The following POM121 variants were observed in gnomAD, a reference collection of about 807,000 sequenced individuals.
The protein encoded by POM121 is nuclear envelope pore membrane protein POM 121.
POM121 carries 32 observed loss-of-function variants against 81.3 expected under a neutral mutation model. The observed-to-expected ratio is 0.39, with a 90% CI of 0.30 to 0.53. POM121 has a LOEUF of 0.53. Among genes scored for constraint, POM121 ranks in the 20% least tolerant of loss-of-function variants. The pLI, the probability that POM121 is intolerant of heterozygous loss-of-function variation, is 0.66. For synonymous variants in POM121, 514 were observed against 694.2 expected (o/e 0.74, Z 4.08); for missense variants, 1,138 against 1,614.6 (o/e 0.70, Z 5.06).
chr7:72,892,659 CCCTT>C (rs71098030), intron 3 of POM121, among the ~76,000 whole-genome samples: 2 of 151,268 alleles, frequency 1.3e-5, no homozygotes, highest in South Asian at 2.1e-4. Flanking sequence ...CTCCCTCCCT[CCCTT>C]CCTTCCTTCC....
intron 1 of POM121, among the ~76,000 whole-genome samples, chr7:72,884,431 G>T (rs1790474406): frequency 6.6e-6 from 1 of 150,488 alleles, no homozygotes; most frequent in African/African-American, 2.4e-5. Flanking sequence ...CCTTTAAGTT[G>T]GTTTCTGAGT....
chr7:72,920,385 G>T (rs1387488461), upstream of POM121, among the ~76,000 whole-genome samples: 1 of 128,478 alleles, frequency 7.8e-6, no homozygotes, highest in African/African-American at 3.0e-5. Flanking sequence ...GTCTGGCTCT[G>T]TCACCCAGGC....
rs1346608968 is a variant in POM121, at chr7:72,925,316, C to T, written c.195C>T (p.Ala65=). 1.8e-5 allele frequency: 27 copies of T among 1,534,274 alleles called. No individual in the cohort carries two copies. Among genetic ancestry groups the T allele is most frequent in the Non-Finnish European group, 2.2e-5 (25 of 1,146,490 alleles). The part of the protein sequence containing the change: ...LAWLTVGATA[A]WWGLSREPRG... ...GGCTGACCGTGGGGGCTACCGCGGC[C>T]TGGTGGGGACTGAGCCGCGAGCCCC... Residue 65 remains alanine (A), a synonymous_variant, in exon 1 of 13, where the codon GCC becomes GCT. Coordinates refer to ENST00000434423, the MANE Select transcript of POM121 (RefSeq NM_001387691.1).
rs1178794287 is a variant in POM121, at chr7:72,893,777, C to T, written c.-216+2667C>T. On this transcript the variant is annotated intron_variant, in intron 3 of 15. Transcript: ENST00000395270. ...CAAGCGCTCTGGCAGGTGGTGCTTT[C>T]GCCATCTTCATCCCTACTTACTGTG... Among the ~76,000 whole-genome samples, 5 of 152,050 alleles carry T rather than the reference C, an allele frequency of 3.3e-5. No individual in the cohort carries two copies. In the South Asian group the frequency reaches 8.3e-4, roughly 25 times the overall value.
chr7:72,896,822 TTAAC>T (rs1792004551), intron 3 of POM121, among the ~76,000 whole-genome samples: 1 of 152,264 alleles, frequency 6.6e-6, no homozygotes, highest in South Asian at 2.1e-4. Flanking sequence ...GTACTGATCA[TTAAC>T]TATTTGCCTG....
rs1554497101 is a variant in POM121, at chr7:72,925,596, C to T, written c.475C>T (p.Arg159Trp). The T allele has an allele frequency of 1.3e-6, 2 of 1,508,670 alleles. No homozygotes were observed. The highest frequency in any genetic ancestry group is 1.8e-6 in the Non-Finnish European group (2 of 1,134,404). The allele number at this position is 1,508,670 out of a possible 1,614,324, so 93.5% of individuals were successfully genotyped here. A position where few individuals can be genotyped will look rare whatever the true frequency, so the allele number is the denominator to read the frequency against. Residue 159 changes from arginine to tryptophan, a missense_variant, in exon 1 of 13, where the codon CGG becomes TGG. This residue lies in a region of POM121 where 646 missense variants were observed against 633.5 expected (regional missense o/e 1.02). Transcript: ENST00000434423. Reference sequence around the variant, plus strand: ...CGCCGCTCCGGAGGGCCAGGACCTGCGGGATAGGCCTGGCCGCCGCCCACC... The same window carrying T: ...CGCCGCTCCGGAGGGCCAGGACCTGTGGGATAGGCCTGGCCGCCGCCCACC... ...PAAAPEGQDL[R>W]DRPGRRPPAR...
chr7:72,928,103 G>A (rs558084109), intron 3 of POM121, among the ~76,000 whole-genome samples: 1 of 152,274 alleles, frequency 6.6e-6, no homozygotes, highest in African/African-American at 2.4e-5. Context: ...CTACTCTGGA[G>A]GCTGAGGCAG....
In POM121 at chr7:72,939,872, A is replaced by G; in HGVS notation, c.1467A>G (p.Lys489=). ...CTGCAGATACAACCCCAAGGAAGAA[A>G]CAAAACTCGAATTCTCAGTCTACAC... ...EKAADTTPRK[K]QNSNSQSTPG... is the part of the protein sequence containing the mutation. Residue 489 remains lysine, a synonymous_variant, in exon 8 of 13, where the codon AAA becomes AAG. Coordinates refer to ENST00000434423, the MANE Select transcript of POM121 (RefSeq NM_001387691.1). 1 of 1,610,012 alleles carries G rather than the reference A, an allele frequency of 6.2e-7. No individual in the cohort carries two copies. Among genetic ancestry groups the G allele is most frequent in the South Asian group, 1.1e-5 (1 of 90,894 alleles).
upstream of POM121, among the ~76,000 whole-genome samples, chr7:72,920,126 T>C (rs1273449686): frequency 1.3e-5 from 2 of 152,180 alleles, no homozygotes; most frequent in African/African-American, 4.8e-5. Context: ...AATATTTTTC[T>C]ATGTCTCAGC....
At position 72,939,270 on chromosome 7, in the gene POM121, G is replaced by A; in HGVS notation, c.1368-66G>A. On this transcript the variant is annotated intron_variant, in intron 6 of 12. Transcript: ENST00000434423. Reference sequence around the variant, plus strand: ...GGCCACTTGGTAGTTAGGAGGGTGTGAGAAATTATTTAATACTTCAGCCAA... The same window carrying A: ...GGCCACTTGGTAGTTAGGAGGGTGTAAGAAATTATTTAATACTTCAGCCAA... 4 of 1,579,282 alleles carry A rather than the reference G, an allele frequency of 2.5e-6. No individual in the cohort carries two copies. In the South Asian group the frequency reaches 4.6e-5, roughly 18 times the overall value.
downstream of POM121, chr7:72,949,869 C>G: frequency 6.3e-7 from 1 of 1,594,284 alleles, no homozygotes. Context: ...GAAGAGCAGC[C>G]AAGTGACTGG....
chr7:72,910,749 G>A (rs573886722), intron 3 of POM121, among the ~76,000 whole-genome samples: 40 of 152,112 alleles, frequency 2.6e-4, no homozygotes, highest in Non-Finnish European at 4.1e-4. Context: ...CCGCAGGGCC[G>A]CCCTCTTCGC....
intron 4 of POM121, among the ~76,000 whole-genome samples, chr7:72,915,197 A>T (rs1377920682): frequency 6.6e-6 from 1 of 152,216 alleles, no homozygotes; most frequent in African/African-American, 2.4e-5. Flanking sequence ...GTGCCATTAC[A>T]GATGAGCTTC....
chr7:72,902,151 TC>T (rs1792723258), intron 3 of POM121, among the ~76,000 whole-genome samples: 1 of 151,846 alleles, frequency 6.6e-6, no homozygotes, highest in African/African-American at 2.4e-5. Context: ...CAGGATAGTT[TC>T]ATCTACCTGT....
intron 6 of POM121, 31 bp from the exon 7 acceptor site, chr7:72,939,305 C>G (rs1233917354): frequency 1.2e-6 from 2 of 1,611,996 alleles, no homozygotes; most frequent in East Asian, 2.2e-5. Flanking sequence ...AGAAGCCTTT[C>G]TAGACTAAAT....
intron 11 of POM121, among the ~76,000 whole-genome samples, chr7:72,944,826 G>C (rs1797507917): frequency 6.6e-6 from 1 of 152,130 alleles, no homozygotes; most frequent in African/African-American, 2.4e-5. Flanking sequence ...GCAGGGTTGA[G>C]GGGCTGAGAG....
At position 72,944,346 on chromosome 7, in the gene POM121, A is replaced by G. The variant is rs1332344477; in HGVS notation, c.3529+824A>G. Among the ~76,000 whole-genome samples the G allele has an allele frequency of 7.2e-5, 11 of 152,086 alleles. No individual in the cohort carries two copies. The South Asian group carries it at 8.3e-4, about 11-fold the overall frequency. On this transcript the variant is annotated intron_variant, in intron 11 of 12. Transcript: ENST00000434423. The stretch of plus-strand genomic sequence containing the variant: ...CATGTGGAAGATGAATGTAGATCCC[A>G]TGGCTTCTGTTTGCTTCGTGAAGTA...
intron 5 of POM121, among the ~76,000 whole-genome samples, chr7:72,936,298 G>A (rs1796495786): frequency 6.6e-6 from 1 of 151,476 alleles, no homozygotes; most frequent in African/African-American, 2.4e-5. Context: ...AAAGTGTTGG[G>A]ATTACAGGCA....
chr7:72,914,045 G>A (rs1222079276), intron 4 of POM121, among the ~76,000 whole-genome samples: 9 of 152,240 alleles, frequency 5.9e-5, no homozygotes, highest in South Asian at 2.1e-4. Context: ...CAGAAGCGAC[G>A]CTATGAGATT....
Sources: allele counts gnomAD v4.1 joint callset (sites outside exome capture counted in the v4.1 genomes callset), GRCh38; gene constraint gnomAD v4.1.1; regional missense constraint gnomAD v4.1.1; transcripts MANE v1.5; gene names NCBI Gene and HGNC (gene_info 2026-07-23, HGNC 2026-07-21).